Variants in SLC22A6 observed in about 807,000 individuals in gnomAD.
SLC22A6 encodes PAH transporter.
SLC22A6 carries 45 observed loss-of-function variants against 56.7 expected under a neutral mutation model. The observed-to-expected ratio is 0.79, with a 90% CI of 0.63 to 1.02. The LOEUF (loss-of-function observed/expected upper bound fraction) is 1.02. Ranked by LOEUF, SLC22A6 falls within the 50% of genes least tolerant of loss-of-function variation. The pLI, the probability that SLC22A6 is intolerant of heterozygous loss-of-function variation, is 0.00. For synonymous variants in SLC22A6, 291 were observed against 295.9 expected (o/e 0.98, Z 0.17); for missense variants, 606 against 713.8 (o/e 0.85, Z 1.72).
intron 3 of SLC22A6, among the ~76,000 whole-genome samples, chr11:62,982,409 C>T (rs1381429183): frequency 6.6e-6 from 1 of 152,108 alleles, no homozygotes; most frequent in East Asian, 1.9e-4. Context: ...TGGCTTTTCT[C>T]CATCCTGGAG....
rs1466055447 is a variant in SLC22A6, at chr11:62,981,267, C to T, written c.914G>A (p.Ser305Asn). The T allele has an allele frequency of 2.5e-6, 4 of 1,609,452 alleles. No homozygotes were observed. The highest frequency in any genetic ancestry group is 3.4e-6 in the Non-Finnish European group (4 of 1,178,086). Residue 305 changes from serine (S) to asparagine (N), a missense_variant, in exon 5 of 10, where the codon AGT becomes AAT. Physicochemically the swap from Ser to Asn is conservative, Grantham distance 46. Coordinates refer to ENST00000360421, the MANE Select transcript of SLC22A6 (RefSeq NM_153276.3). ...AGTCTCAGGGGATCTCACCTCCATA[C>T]TCAATTTGGCTCCTTCTTCCCGCTT... ...NGKREEGAKL[S>N]MEVLRASLQK...
intron 6 of SLC22A6, among the ~76,000 whole-genome samples, chr11:62,980,435 T>C (rs996004576): frequency 3.9e-5 from 6 of 152,182 alleles, no homozygotes; most frequent in African/African-American, 1.4e-4. Context: ...AAATCCCAAA[T>C]TGGAAGCAAA....
At chr11:62,982,208 T>A (rs6591722) in intron 3 of SLC22A6, among the ~76,000 whole-genome samples, 198 bp from the exon 4 acceptor site, 39,793 of 151,026 alleles carry the variant, frequency 0.26, 6,220 homozygotes, top group Non-Finnish European at 0.36. Flanking sequence ...ATCTGGGAAC[T>A]GCCCCCTCCA....
Position 62,976,819 on chromosome 11 carries a change from G to T in SLC22A6, c.1628C>A (p.Ser543Ter). The T allele has an allele frequency of 1.2e-6, 2 of 1,613,944 alleles. No homozygotes were observed. The highest frequency in any genetic ancestry group is 2.7e-5 in the African/African-American group (2 of 75,032). ...TCAGAGTCCATTCTTCTCTTGTGCTGAGGCCTGCAGTGGGACCATATACTT... is the reference window on the plus strand; with the variant it reads ...TCAGAGTCCATTCTTCTCTTGTGCTTAGGCCTGCAGTGGGACCATATACTT... Reference protein sequence around the residue: ...HQKYMVPLQASAQEKNGL With the variant: ...HQKYMVPLQA Residue 543 changes from serine (S) to a stop codon, truncating the protein, a stop_gained, in exon 10 of 10, where the codon TCA becomes TAA. Transcript: ENST00000360421. LOFTEE classifies it high-confidence loss of function.
rs2086286667 is a variant in SLC22A6 at position 62,983,988 on chromosome 11, C to G, written c.429G>C (p.Val143=). 1 of 1,614,032 alleles carries G rather than the reference C, an allele frequency of 6.2e-7. No homozygotes were observed. Among genetic ancestry groups the G allele is most frequent in the Non-Finnish European group, 8.5e-7 (1 of 1,179,964 alleles). ...LRQLAQSLYM[V]GVLLGAMVFG... ...ACACCATGGCTCCGAGCAGCACCCCCACCATGTACAAGGACTGGGCCAGCT... is the reference window on the plus strand; with the variant it reads ...ACACCATGGCTCCGAGCAGCACCCCGACCATGTACAAGGACTGGGCCAGCT... The change falls in exon 2 of 10, where the codon GTG becomes GTC. Residue 143 remains valine, a synonymous_variant. Coordinates refer to ENST00000360421, the MANE Select transcript of SLC22A6 (RefSeq NM_153276.3). This position sits in a 1 kb window ranked among gnomAD's most constrained non-coding sequence, Gnocchi z 4.5.
chr11:62,982,381 G>A (rs1236052283), intron 3 of SLC22A6, among the ~76,000 whole-genome samples: 1 of 152,188 alleles, frequency 6.6e-6, no homozygotes, highest in Non-Finnish European at 1.5e-5. Flanking sequence ...AGTGGCCAGA[G>A]CATCTTGGAG....
chr11:62,980,054 G>A (rs2086236234), intron 6 of SLC22A6, 106 bp from the exon 7 acceptor site: 1 of 741,206 alleles, frequency 1.3e-6, no homozygotes, highest in Admixed American at 2.2e-5. Context: ...TTAAGGAGCT[G>A]GAATCTGCCT....
rs777889744 is a variant in SLC22A6, at chr11:62,983,917, A to G, written c.473+27T>C. On this transcript the variant is annotated intron_variant, in intron 2 of 9. Coordinates refer to ENST00000360421, the MANE Select transcript of SLC22A6 (RefSeq NM_153276.3). The surrounding 1 kb of genome is among the most constrained non-coding windows in gnomAD (Gnocchi z 4.5). ...TGAGCCCCTAATCCCAGCCCAGCCC[A>G]GCCCCTTGACCCTACCCAGGACTGA... 6.8e-7 allele frequency: 1 copy of G among 1,479,146 alleles called. No individual in the cohort carries two copies. Among genetic ancestry groups the G allele is most frequent in the South Asian group, 1.2e-5 (1 of 86,718 alleles). 91.6% of individuals were successfully genotyped at this position (1,479,146 alleles called of 1,614,324 possible).
chr11:62,983,467 G>A lies in SLC22A6; in HGVS notation c.628+70C>T. The A allele has an allele frequency of 6.7e-7, 1 of 1,499,858 alleles. No individual in the cohort carries two copies. The highest frequency in any genetic ancestry group is 1.2e-5 in the South Asian group (1 of 82,568). The allele number at this position is 1,499,858 out of a possible 1,614,324, so 92.9% of individuals were successfully genotyped here. ...GGCAGGGCTCAGGAGGGGCAGGCTG[G>A]GAGGGGAGGCTGGAAAGGGGTTGCT... On this transcript the variant is annotated intron_variant, in intron 3 of 9. Coordinates refer to ENST00000360421, the MANE Select transcript of SLC22A6 (RefSeq NM_153276.3). This position sits in a 1 kb window ranked among gnomAD's most constrained non-coding sequence, Gnocchi z 4.5.
chr11:62,979,283 G>A (rs1221263776), intron 8 of SLC22A6, among the ~76,000 whole-genome samples: 1 of 152,168 alleles, frequency 6.6e-6, no homozygotes, highest in Non-Finnish European at 1.5e-5. Context: ...CTAGGGTCCC[G>A]TAAGGGCTTA....
chr11:62,978,590 CTTTTTT>C (rs1230405831), intron 8 of SLC22A6, among the ~76,000 whole-genome samples: 3 of 102,572 alleles, frequency 2.9e-5, no homozygotes, highest in Admixed American at 1.1e-4. Context: ...GTCTTGATCT[CTTTTTT>C]TTTTTTTTTT....
chr11:62,977,082 C>T lies in SLC22A6; in HGVS notation c.1565+102G>A, dbSNP rs72480416. 3.3e-4 allele frequency: 528 copies of T among 1,599,570 alleles called. 2 individuals carry two copies. In the Middle Eastern group the frequency reaches 9.3e-3, roughly 28 times the overall value. The stretch of plus-strand genomic sequence containing the variant: ...CAATTGGGGACAAAGGGACACAGAG[C>T]TTTGGGCTAGAAGAGGAAGCCTGGG... On this transcript the variant is annotated intron_variant, in intron 9 of 9. Transcript: ENST00000360421.
intron 4 of SLC22A6, 103 bp downstream of exon 4, chr11:62,981,739 T>G: frequency 8.2e-7 from 1 of 1,226,048 alleles, no homozygotes; most frequent in Non-Finnish European, 1.1e-6. Context: ...TGACCTTCTC[T>G]ACATTTGTGG....
Position 62,979,546 on chromosome 11 carries a change from C to G in SLC22A6, c.1303G>C (p.Ala435Pro). ...SLAVLGKGCL[A>P]ASFNCIFLYT... ...AGGAAGATGCAGTTGAAGGAGGCAG[C>G]CAGACAACCCTTCCCCAGCACAGCA... The change falls in exon 8 of 10, where the codon GCT (alanine) becomes CCT (proline). Residue 435 changes from alanine (A) to proline (P), a missense_variant. Physicochemically the swap from Ala to Pro is conservative, Grantham distance 27. Coordinates refer to ENST00000360421, the MANE Select transcript of SLC22A6 (RefSeq NM_153276.3). The G allele has an allele frequency of 6.2e-7, 1 of 1,614,098 alleles. No individual in the cohort carries two copies. The highest frequency in any genetic ancestry group is 8.5e-7 in the Non-Finnish European group (1 of 1,179,988).
Position 62,984,523 on chromosome 11 carries a change from G to A in SLC22A6, c.168C>T (p.Asn56=), listed in dbSNP as rs2086296358. Residue 56 remains asparagine (N), a synonymous_variant, in exon 1 of 10, where the codon AAC becomes AAT. Transcript: ENST00000360421. ...CCTCCAGCCCCCCGTTCTTGCTGAG[G>A]TTGGCATCGGCAGGCGGGCGGCAGT... ...THHCRPPADA[N]LSKNGGLEVW... is the part of the protein sequence containing the mutation. The A allele has an allele frequency of 1.9e-6, 3 of 1,613,918 alleles. No homozygotes were observed. The highest frequency in any genetic ancestry group is 2.5e-6 in the Non-Finnish European group (3 of 1,179,978).
At chr11:62,979,641 C>T (rs1302305557) in intron 7 of SLC22A6, 45 bp from the exon 8 acceptor site, 2 of 1,590,212 alleles carry the variant, frequency 1.3e-6, no homozygotes, top group South Asian at 1.1e-5. Flanking sequence ...GGAGTGGAGG[C>T]TAGGAGGAAT....
Position 62,984,655 on chromosome 11 carries a change from A to AC in SLC22A6, c.35dup (p.Val13CysfsTer64). 1 of 1,613,072 alleles carries AC rather than the reference A, an allele frequency of 6.2e-7. No homozygotes were observed. The highest frequency in any genetic ancestry group is 8.5e-7 in the Non-Finnish European group (1 of 1,179,796). On this transcript the variant is annotated frameshift_variant, in exon 1 of 10. Transcript: ENST00000360421. LOFTEE classifies it high-confidence loss of function. ...CCTGGATCTGCTGGAAGCGGCCGAC[A>AC]CCCCCCACCTGCTGCAGGAGGTCAT...
intron 9 of SLC22A6, 53 bp downstream of exon 9, chr11:62,977,131 C>G: frequency 6.2e-7 from 1 of 1,613,650 alleles, no homozygotes; most frequent in African/African-American, 1.3e-5. Flanking sequence ...ACCACCCCAC[C>G]CTGCATGTGT....
Position 62,983,519 on chromosome 11 carries a change from C to T in SLC22A6, c.628+18G>A. On this transcript the variant is annotated intron_variant, in intron 3 of 9. Coordinates refer to ENST00000360421, the MANE Select transcript of SLC22A6 (RefSeq NM_153276.3). This position sits in a 1 kb window ranked among gnomAD's most constrained non-coding sequence, Gnocchi z 4.5. ...GGCTGGGTGGCCGGAGGGGAGTGGG[C>T]TGGTAAGAATCTCTCACTCAGTGTC... 1.3e-6 allele frequency: 2 copies of T among 1,552,738 alleles called. No individual in the cohort carries two copies. The highest frequency in any genetic ancestry group is 1.2e-5 in the South Asian group (1 of 84,108).
Sources: allele counts gnomAD v4.1 joint callset (sites outside exome capture counted in the v4.1 genomes callset), GRCh38; gene constraint gnomAD v4.1.1; non-coding constraint Gnocchi (gnomAD v3.1); transcripts MANE v1.5; gene names NCBI Gene and HGNC (gene_info 2026-07-23, HGNC 2026-07-21).